Variants in EPG5 observed in about 807,000 individuals in gnomAD.
EPG5 encodes the protein ectopic P-granules 5 autophagy tethering factor, also known as ectopic P granules protein 5 homolog.
In EPG5, 159 loss-of-function variants were observed where a neutral mutation model predicts 302.7. The observed-to-expected ratio is 0.53, with a 90% CI of 0.46 to 0.60. EPG5 has a LOEUF of 0.60. EPG5 is among the 20% of genes least tolerant of loss of function. The pLI, the probability that EPG5 is intolerant of heterozygous loss-of-function variation, is 0.00. For missense variants in EPG5, 2,896 were observed against 3,092.4 expected (o/e 0.94, Z 1.51); for synonymous variants, 1,158 against 1,136.8 (o/e 1.02, Z -0.37).
the EPG5 span, among the ~76,000 whole-genome samples, chr18:45,836,566 G>C: frequency 1.3e-5 from 2 of 152,186 alleles, no homozygotes; most frequent in African/African-American, 4.8e-5. Context: ...TGGAGGCAGA[G>C]CTCTGCTTCC....
At chr18:45,839,302 C>G in the EPG5 span, among the ~76,000 whole-genome samples, 1 of 152,208 alleles carries the variant, frequency 6.6e-6, no homozygotes, top group African/African-American at 2.4e-5. Flanking sequence ...AGCTGAGGCT[C>G]AGAGAGGTTA....
chr18:45,902,484 AAAAC>A (rs1210086669), intron 25 of EPG5, among the ~76,000 whole-genome samples: 4 of 152,360 alleles, frequency 2.6e-5, no homozygotes, highest in South Asian at 2.1e-4. Flanking sequence ...AGGTATTTTA[AAAAC>A]AAACAAACAA....
intron 42 of EPG5, among the ~76,000 whole-genome samples, chr18:45,856,683 G>A (rs568707609): frequency 1.6e-4 from 25 of 152,338 alleles, no homozygotes; most frequent in Middle Eastern, 3.4e-3. Context: ...TTTGGAATGA[G>A]TGAGTCCCAA....
intron 25 of EPG5, 80 bp downstream of exon 25, chr18:45,903,893 T>C (rs946835077): frequency 7.2e-7 from 1 of 1,386,560 alleles, no homozygotes; most frequent in Non-Finnish European, 9.6e-7. Flanking sequence ...GGGAATAAAG[T>C]ATGTCAGCCT....
chr18:45,895,836 A>G (rs2049458773), intron 27 of EPG5, among the ~76,000 whole-genome samples: 1 of 152,184 alleles, frequency 6.6e-6, no homozygotes, highest in Non-Finnish European at 1.5e-5. Flanking sequence ...TTTCATGATG[A>G]GTCATAAACA....
At chr18:45,804,855 T>C in the EPG5 span, among the ~76,000 whole-genome samples, 1 of 152,138 alleles carries the variant, frequency 6.6e-6, no homozygotes, top group Non-Finnish European at 1.5e-5. Flanking sequence ...TATATATCAC[T>C]ATTCAAGGCA....
At chr18:45,935,340 C>A (rs545272711) in intron 10 of EPG5, among the ~76,000 whole-genome samples, 10 of 152,210 alleles carry the variant, frequency 6.6e-5, no homozygotes, top group Middle Eastern at 3.4e-3. Context: ...GTCAGGAGTT[C>A]GAGACCAGCC....
intron 13 of EPG5, among the ~76,000 whole-genome samples, chr18:45,928,221 A>G (rs1016752031): frequency 1.3e-5 from 2 of 152,018 alleles, no homozygotes; most frequent in African/African-American, 4.8e-5. Context: ...CTCAAAAAAA[A>G]AAAAAGTGAT....
intron 25 of EPG5, 104 bp from the exon 26 acceptor site, chr18:45,901,271 T>C: frequency 2.1e-6 from 2 of 960,684 alleles, no homozygotes; most frequent in South Asian, 1.7e-5. Flanking sequence ...AAAAAATTTA[T>C]AGTCTTACGA....
intron 16 of EPG5, among the ~76,000 whole-genome samples, chr18:45,919,760 C>T (rs2050114489): frequency 1.3e-5 from 2 of 152,182 alleles, no homozygotes; most frequent in Admixed American, 1.3e-4. Context: ...GATCCGCCCG[C>T]CTCGGCCTCC....
At chr18:45,957,484 T>C (rs2051057183) in intron 1 of EPG5, among the ~76,000 whole-genome samples, 1 of 152,166 alleles carries the variant, frequency 6.6e-6, no homozygotes, top group African/African-American at 2.4e-5. Flanking sequence ...TTTAGCAAAC[T>C]TGCTGTAATA....
At chr18:45,878,240 A>C in intron 34 of EPG5, 136 bp downstream of exon 34, 1 of 625,010 alleles carries the variant, frequency 1.6e-6, no homozygotes. Flanking sequence ...AGTTTTGAAA[A>C]GAAGCCTTTT....
At chr18:45,924,699 A>C (rs557204310) in intron 14 of EPG5, among the ~76,000 whole-genome samples, 1 of 152,294 alleles carries the variant, frequency 6.6e-6, no homozygotes, top group African/African-American at 2.4e-5. Flanking sequence ...TAACCACACC[A>C]CTGAGTACGT....
At chr18:45,842,026 G>T in the EPG5 span, 1 of 1,288,198 alleles carries the variant, frequency 7.8e-7, no homozygotes, top group Admixed American at 1.7e-5. Flanking sequence ...CCTCTTCTTG[G>T]CCCACTGCTG....
intron 30 of EPG5, among the ~76,000 whole-genome samples, 161 bp from the exon 31 acceptor site, chr18:45,882,648 G>A (rs998630449): frequency 7.9e-5 from 12 of 152,084 alleles, no homozygotes; most frequent in Admixed American, 7.2e-4. Context: ...GATTCAACCT[G>A]AGGAAGCTAA....
the EPG5 span, among the ~76,000 whole-genome samples, chr18:45,836,020 C>T: frequency 2.0e-5 from 3 of 152,092 alleles, no homozygotes; most frequent in South Asian, 2.1e-4. Flanking sequence ...TGTGGGCGGC[C>T]GGAGATTTTG....
At chr18:45,942,634 A>C (rs902036201) in intron 9 of EPG5, among the ~76,000 whole-genome samples, 39 of 152,164 alleles carry the variant, frequency 2.6e-4, no homozygotes, top group African/African-American at 9.4e-4. Context: ...AAATGAATTA[A>C]AAGTAATTTT....
At chr18:45,932,467 C>A (rs541706091) in intron 11 of EPG5, among the ~76,000 whole-genome samples, 42 of 152,028 alleles carry the variant, frequency 2.8e-4, no homozygotes, top group Non-Finnish European at 5.9e-4. Flanking sequence ...AAATTTGTTC[C>A]CTGGAAACTG....
the EPG5 span, among the ~76,000 whole-genome samples, chr18:45,802,006 C>A: frequency 6.6e-6 from 1 of 152,122 alleles, no homozygotes; most frequent in Non-Finnish European, 1.5e-5. Context: ...CAGGGGGCAG[C>A]AAGGATGGTT....
Sources: gnomAD v4.1 joint callset for allele counts (sites outside exome capture counted in the v4.1 genomes callset) on GRCh38, gnomAD v4.1.1 for gene constraint, MANE v1.5 for transcripts, NCBI Gene and HGNC (gene_info 2026-07-23, HGNC 2026-07-21) for gene names.